The following DIAPH3 variants were observed in gnomAD, a reference collection of about 807,000 sequenced individuals.
DIAPH3 encodes the protein diaphanous related formin 3, also known as protein diaphanous homolog 3.
A neutral mutation model predicts 144.3 loss-of-function variants in DIAPH3; 117 were observed. That is an observed-to-expected ratio of 0.81 (90% CI 0.70 to 0.95). DIAPH3 has a LOEUF of 0.95. Among genes scored for constraint, DIAPH3 ranks in the 40% least tolerant of loss-of-function variants. The pLI, the probability that DIAPH3 is intolerant of heterozygous loss-of-function variation, is 0.00. For missense variants in DIAPH3, 1,421 were observed against 1,412.7 expected (o/e 1.01, Z -0.09); for synonymous variants, 519 against 488.9 (o/e 1.06, Z -0.81).
intron 23 of DIAPH3, 60 bp from the exon 24 acceptor site, chr13:59,833,331 C>A: frequency 7.5e-7 from 1 of 1,341,668 alleles, no homozygotes; most frequent in Admixed American, 2.0e-5. Context: ...GCAGGGGGAA[C>A]TCTGTAAATC....
intron 15 of DIAPH3, among the ~76,000 whole-genome samples, chr13:59,971,508 G>T (rs991587569): frequency 1.3e-5 from 2 of 152,144 alleles, no homozygotes; most frequent in Non-Finnish European, 2.9e-5. Context: ...GGGAAGCAGA[G>T]AAGTTCACTC....
In DIAPH3 at chr13:59,861,439, T is replaced by C. The variant is rs760423710; in HGVS notation, c.2705A>G (p.Asp902Gly). 8 of 1,613,780 alleles carry C rather than the reference T, an allele frequency of 5.0e-6. No homozygotes were observed. Among genetic ancestry groups the C allele is most frequent in the Non-Finnish European group, 6.8e-6 (8 of 1,179,884 alleles). Residue 902 changes from aspartate (D) to glycine (G), a missense_variant, in exon 22 of 28, where the codon GAT (aspartate) becomes GGT (glycine). Coordinates refer to ENST00000400324, the MANE Select transcript of DIAPH3 (RefSeq NM_001042517.2). The stretch of plus-strand genomic sequence containing the variant: ...AGCTTTGTCTAAAGGTTCCAAATCA[T>C]CCACAAAATTCAGTATATCAGGGTA... ...EKYPDILNFV[D>G]DLEPLDKASK...
At chr13:60,131,334 G>T (rs1171926732) in intron 2 of DIAPH3, among the ~76,000 whole-genome samples, 2 of 151,018 alleles carry the variant, frequency 1.3e-5, no homozygotes, top group African/African-American at 4.9e-5. Context: ...TACTCAGGAG[G>T]CTGATGTGGG....
intron 27 of DIAPH3, among the ~76,000 whole-genome samples, chr13:59,761,487 T>C (rs1169882749): frequency 6.6e-6 from 1 of 152,108 alleles, no homozygotes; most frequent in Admixed American, 6.6e-5. Flanking sequence ...TTTCTATCAT[T>C]TTTTTTCGCA....
chr13:60,077,222 A>G (rs2057408463), intron 4 of DIAPH3, among the ~76,000 whole-genome samples: 1 of 152,080 alleles, frequency 6.6e-6, no homozygotes, highest in Non-Finnish European at 1.5e-5. Context: ...CTCAAAAATG[A>G]CAGGGGGAAA....
chr13:60,056,279 G>A (rs759492637), intron 4 of DIAPH3, among the ~76,000 whole-genome samples: 8 of 150,930 alleles, frequency 5.3e-5, no homozygotes, highest in Non-Finnish European at 7.4e-5. Flanking sequence ...AAAAGAGAGA[G>A]AGGAGAGAGA....
intron 4 of DIAPH3, among the ~76,000 whole-genome samples, chr13:60,060,588 A>G (rs2056730348): frequency 1.3e-5 from 2 of 152,104 alleles, no homozygotes; most frequent in Admixed American, 6.6e-5. Flanking sequence ...AGTCCAACCA[A>G]AAGAGTTGTG....
At chr13:59,674,704 A>G (rs1385918102) in intron 27 of DIAPH3, among the ~76,000 whole-genome samples, 1 of 152,128 alleles carries the variant, frequency 6.6e-6, no homozygotes, top group Non-Finnish European at 1.5e-5. Flanking sequence ...AAACATTCCT[A>G]CATATGCCCT....
At chr13:60,057,595 C>T (rs1293854833) in intron 4 of DIAPH3, among the ~76,000 whole-genome samples, 1 of 151,948 alleles carries the variant, frequency 6.6e-6, no homozygotes, top group Non-Finnish European at 1.5e-5. Context: ...CAAAGCAATA[C>T]TGAGCAAAAA....
At chr13:59,999,797 A>C (rs2052417279) in intron 9 of DIAPH3, among the ~76,000 whole-genome samples, 1 of 152,020 alleles carries the variant, frequency 6.6e-6, no homozygotes. Flanking sequence ...CAGTTCTCCC[A>C]GCCTCCCCCA....
At chr13:59,930,386 G>C (rs956483198) in intron 17 of DIAPH3, among the ~76,000 whole-genome samples, 17 of 152,220 alleles carry the variant, frequency 1.1e-4, no homozygotes, top group Non-Finnish European at 2.4e-4. Flanking sequence ...CAAGAATAAA[G>C]AAGAGCACCC....
chr13:59,740,277 A>T (rs17057156), intron 27 of DIAPH3, among the ~76,000 whole-genome samples: 52,266 of 152,106 alleles, frequency 0.34, 9,432 homozygotes, highest in African/African-American at 0.44. Flanking sequence ...AGTCAGAAAG[A>T]TCTGAGTTCC....
chr13:59,847,580 A>G (rs2042717725), intron 22 of DIAPH3, among the ~76,000 whole-genome samples: 1 of 152,230 alleles, frequency 6.6e-6, no homozygotes, highest in Non-Finnish European at 1.5e-5. Context: ...GTTCAAAACC[A>G]TGGTATAAAT....
intron 27 of DIAPH3, among the ~76,000 whole-genome samples, chr13:59,680,303 T>C (rs939445649): frequency 6.6e-6 from 1 of 152,132 alleles, no homozygotes; most frequent in Non-Finnish European, 1.5e-5. Flanking sequence ...TTGTTGAATA[T>C]CAGTGTTGAG....
At chr13:59,971,978 TCTTA>T (rs1348713679) in intron 15 of DIAPH3, among the ~76,000 whole-genome samples, 3 of 152,214 alleles carry the variant, frequency 2.0e-5, no homozygotes, top group African/African-American at 7.2e-5. Flanking sequence ...TTTCAATAGC[TCTTA>T]TCAAAAGTGA....
rs1393875073 is a variant in DIAPH3 at position 59,971,108 on chromosome 13, C to T, written c.1703G>A (p.Gly568Asp). ...AGGAAGTGCTGAGTGGCCAGTTCCA[C>T]CTTCTTTAGAGGGAGGCAAAGGAAT... The part of the protein sequence containing the change: ...CNIPLPPSKE[G>D]GTGHSALPPP... Residue 568 changes from glycine to aspartate, a missense_variant, in exon 16 of 28, where the codon GGT becomes GAT. Physicochemically the swap from Gly to Asp is moderately conservative, Grantham distance 94. Transcript: ENST00000400324. 2 of 1,608,540 alleles carry T rather than the reference C, an allele frequency of 1.2e-6. No individual in the cohort carries two copies. The highest frequency in any genetic ancestry group is 2.7e-5 in the African/African-American group (2 of 74,850).
At chr13:60,086,853 A>G (rs2057762905) in intron 4 of DIAPH3, among the ~76,000 whole-genome samples, 1 of 152,178 alleles carries the variant, frequency 6.6e-6, no homozygotes, top group Non-Finnish European at 1.5e-5. Flanking sequence ...TTAACAAATC[A>G]ATGCTAAAAC....
intron 21 of DIAPH3, among the ~76,000 whole-genome samples, chr13:59,874,385 G>A (rs2044475145): frequency 6.6e-6 from 1 of 152,090 alleles, no homozygotes; most frequent in Non-Finnish European, 1.5e-5. Context: ...TGTTTCTATT[G>A]TTTTAATTAT....
chr13:60,111,457 G>A (rs780362889), intron 3 of DIAPH3, among the ~76,000 whole-genome samples: 3 of 152,294 alleles, frequency 2.0e-5, no homozygotes, highest in Non-Finnish European at 4.4e-5. Flanking sequence ...CCCCAACCCC[G>A]TTAGCAACTG....
Sources: allele counts gnomAD v4.1 joint callset (sites outside exome capture counted in the v4.1 genomes callset), GRCh38; gene constraint gnomAD v4.1.1; transcripts MANE v1.5; gene names NCBI Gene and HGNC (gene_info 2026-07-23, HGNC 2026-07-21).